ARID2: variants seen among roughly 807,000 people sequenced by gnomAD.
The protein encoded by ARID2 is AT-rich interaction domain 2, also known as AT-rich interactive domain-containing protein 2.
ARID2 carries 32 observed loss-of-function variants against 184.6 expected under a neutral mutation model. The ratio of observed to expected loss-of-function variants is 0.17; its 90% confidence interval spans 0.13 to 0.23. ARID2 has a LOEUF of 0.23. ARID2 is among the 10% of genes least tolerant of loss of function. The pLI is 1.00. For missense variants in ARID2, 1,696 were observed against 2,197.6 expected (o/e 0.77, Z 4.56); for synonymous variants, 836 against 772.6 (o/e 1.08, Z -1.36).
At chr12:45,808,096 C>T (rs907210329) in intron 3 of ARID2, among the ~76,000 whole-genome samples, 12 of 152,054 alleles carry the variant, frequency 7.9e-5, no homozygotes, top group Non-Finnish European at 8.8e-5. Flanking sequence ...GTTATGTCAT[C>T]GATTTTTGAG....
chr12:45,732,328 G>A (rs955776658), intron 3 of ARID2, among the ~76,000 whole-genome samples: 2 of 152,162 alleles, frequency 1.3e-5, no homozygotes, highest in South Asian at 4.1e-4. Context: ...TGTGTATTAC[G>A]TTCAGCATTC....
chr12:45,836,025 G>A (rs969086624), intron 6 of ARID2, among the ~76,000 whole-genome samples: 11 of 151,908 alleles, frequency 7.2e-5, no homozygotes, highest in South Asian at 2.1e-4. Context: ...CCCTTTAGTC[G>A]TCTGTGGCCC....
Position 45,893,541 on chromosome 12 carries a change from A to T in ARID2, c.5269A>T (p.Thr1757Ser), listed in dbSNP as rs375731144. Reference sequence around the variant, plus strand: ...AAGAAACCTTGTCTTTCGAGATTTTACAGTAAGCATGCCTTGAAACCCTTA... The same window carrying T: ...AAGAAACCTTGTCTTTCGAGATTTTTCAGTAAGCATGCCTTGAAACCCTTA... ...GSRNLVFRDF[T>S]DEKEGPITKH... The change falls in exon 19 of 21, where the codon ACA (threonine) becomes TCA (serine). Residue 1757 changes from threonine to serine, a missense_variant and splice_region_variant. By Grantham distance (58) the Thr-to-Ser change is moderately conservative (BLOSUM62 1). Coordinates refer to ENST00000334344, the MANE Select transcript of ARID2 (RefSeq NM_152641.4). 1.1e-5 allele frequency: 17 copies of T among 1,613,582 alleles called. No individual in the cohort carries two copies. In the African/African-American group the frequency reaches 2.0e-4, roughly 19 times the overall value.
chr12:45,797,119 T>G (rs1352342598), intron 3 of ARID2, among the ~76,000 whole-genome samples: 1 of 152,214 alleles, frequency 6.6e-6, no homozygotes, highest in African/African-American at 2.4e-5. Flanking sequence ...TTATAATGAT[T>G]TAAAGTAATT....
intron 3 of ARID2, chr12:45,789,640 A>T (rs182693184): frequency 7.2e-5 from 11 of 152,304 alleles, no homozygotes; most frequent in African/African-American, 2.6e-4. Flanking sequence ...AAAGAAATGT[A>T]TTAATCTCCC....
In ARID2 at chr12:45,905,303, T is replaced by A. The variant is rs573600203; in HGVS notation, c.*225T>A. 30 of 406,004 alleles carry A rather than the reference T, an allele frequency of 7.4e-5. No homozygotes were observed. In the South Asian group the frequency reaches 7.7e-4, roughly 10 times the overall value. 25.2% of individuals were successfully genotyped at this position (406,004 alleles called of 1,614,324 possible). A position where few individuals can be genotyped will look rare whatever the true frequency, so the allele number is the denominator to read the frequency against. On this transcript the variant is annotated 3_prime_UTR_variant, in exon 21 of 21. Transcript: ENST00000334344. ...AAAAGGAAAAAAAAAAAAGAACTGCTGTGGGATTGTCAACCAGCTTATCTG... is the reference window on the plus strand; with the variant it reads ...AAAAGGAAAAAAAAAAAAGAACTGCAGTGGGATTGTCAACCAGCTTATCTG...
At chr12:45,881,366 G>T (rs947828771) in intron 16 of ARID2, 2 of 165,338 alleles carry the variant, frequency 1.2e-5, no homozygotes, top group Non-Finnish European at 2.7e-5. Flanking sequence ...CATAACCTCT[G>T]TGTCTGTCTG....
intron 12 of ARID2, among the ~76,000 whole-genome samples, chr12:45,847,628 A>T (rs895313210): frequency 5.3e-5 from 8 of 152,056 alleles, no homozygotes; most frequent in Non-Finnish European, 1.2e-4. Context: ...CTTTCCAATG[A>T]TATATCACTT....
chr12:45,887,384 TAGC>T (rs1228019400), intron 16 of ARID2, among the ~76,000 whole-genome samples: 11 of 152,212 alleles, frequency 7.2e-5, no homozygotes, highest in Admixed American at 3.9e-4. Flanking sequence ...TTTGAAAAAG[TAGC>T]AGGATCAAAG....
chr12:45,803,628 A>G (rs1942548061), intron 3 of ARID2, among the ~76,000 whole-genome samples: 1 of 152,152 alleles, frequency 6.6e-6, no homozygotes, highest in South Asian at 2.1e-4. Flanking sequence ...TTGGTAATAT[A>G]GAAATCTTTT....
intron 6 of ARID2, among the ~76,000 whole-genome samples, chr12:45,822,225 G>C (rs766922141): frequency 6.6e-6 from 1 of 152,020 alleles, no homozygotes; most frequent in Non-Finnish European, 1.5e-5. Context: ...TCTTGGGCTG[G>C]GTGTGGTGTC....
intron 11 of ARID2, 53 bp downstream of exon 11, chr12:45,839,549 G>C (rs2138138117): frequency 6.5e-7 from 1 of 1,544,112 alleles, no homozygotes; most frequent in Non-Finnish European, 8.7e-7. Flanking sequence ...TATAAGATTT[G>C]ATCCTAAGAA....
At chr12:45,751,544 C>G (rs1372562044) in intron 3 of ARID2, among the ~76,000 whole-genome samples, 1 of 152,170 alleles carries the variant, frequency 6.6e-6, no homozygotes, top group South Asian at 2.1e-4. Context: ...ACCAAAGAGT[C>G]TTGATAGAAG....
Position 45,891,763 on chromosome 12 carries a change from ACTT to A in ARID2, c.4923-16_4923-14del. 1 of 1,608,920 alleles carries A rather than the reference ACTT, an allele frequency of 6.2e-7. No homozygotes were observed. On this transcript the variant is annotated splice_polypyrimidine_tract_variant and intron_variant, in intron 16 of 20. Coordinates refer to ENST00000334344, the MANE Select transcript of ARID2 (RefSeq NM_152641.4). ...ACTTGAATACATCCAAGTGTCTACTACTTTTATTTTTTATAGGTGGTTTCAGAC... is the reference window on the plus strand; with the variant it reads ...ACTTGAATACATCCAAGTGTCTACTATTATTTTTTATAGGTGGTTTCAGAC...
intron 4 of ARID2, among the ~76,000 whole-genome samples, chr12:45,815,002 T>C (rs1233836265): frequency 1.3e-5 from 2 of 152,226 alleles, no homozygotes; most frequent in African/African-American, 2.4e-5. Context: ...ATGTTTATCT[T>C]ACTCTAATTG....
chr12:45,796,759 C>T (rs1942399428), intron 3 of ARID2, among the ~76,000 whole-genome samples: 1 of 152,150 alleles, frequency 6.6e-6, no homozygotes. Flanking sequence ...GTGATCTGCC[C>T]ACCTTGGCCT....
In ARID2 at chr12:45,747,943, C is replaced by G. The variant is rs75844074; in HGVS notation, c.284+16629C>G. Among the ~76,000 whole-genome samples, 1,206 of 152,190 alleles carry G rather than the reference C, an allele frequency of 7.9e-3. 12 individuals are homozygous for G. The highest frequency in any genetic ancestry group is 0.028 in the African/African-American group (1,145 of 41,520). ...CTGAGAGATGCTGTGGGTTTGATTC[C>G]AGACCACCACATTAATATATATGAT... is the stretch of plus-strand genomic sequence containing the variant. On this transcript the variant is annotated intron_variant, in intron 3 of 20. Coordinates refer to ENST00000334344, the MANE Select transcript of ARID2 (RefSeq NM_152641.4).
At chr12:45,767,566 G>A (rs1298507799) in intron 3 of ARID2, among the ~76,000 whole-genome samples, 2 of 151,916 alleles carry the variant, frequency 1.3e-5, no homozygotes, top group Non-Finnish European at 2.9e-5. Context: ...GAGTGGCAGG[G>A]GCCTGTAATC....
chr12:45,732,045 C>G (rs1941014145), intron 3 of ARID2, among the ~76,000 whole-genome samples: 1 of 149,928 alleles, frequency 6.7e-6, no homozygotes, highest in Admixed American at 6.6e-5. Context: ...GTGATACAGT[C>G]TAGATGATAT....
Sources: gnomAD v4.1 joint callset for allele counts (sites outside exome capture counted in the v4.1 genomes callset) on GRCh38, gnomAD v4.1.1 for gene constraint, MANE v1.5 for transcripts, NCBI Gene and HGNC (gene_info 2026-07-23, HGNC 2026-07-21) for gene names.